SEMA3A: variants seen among roughly 807,000 people sequenced by gnomAD.
SEMA3A encodes the protein semaphorin-3A.
Under a neutral mutation model 97.9 loss-of-function variants are expected in SEMA3A, and 29 were observed. The ratio of observed to expected loss-of-function variants is 0.30; its 90% confidence interval spans 0.22 to 0.40. The LOEUF (loss-of-function observed/expected upper bound fraction) is 0.40. SEMA3A is among the 10% of genes least tolerant of loss of function. The pLI, the probability that SEMA3A is intolerant of heterozygous loss-of-function variation, is 1.00. For missense variants in SEMA3A, 763 were observed against 951.3 expected, an observed-to-expected ratio of 0.80 and a Z score of 2.60; for synonymous variants, 321 against 323.7, an observed-to-expected ratio of 0.99 and a Z score of 0.09.
intron 3 of SEMA3A, among the ~76,000 whole-genome samples, chr7:84,224,346 A>G (rs956931389): frequency 6.6e-6 from 1 of 151,990 alleles, no homozygotes; most frequent in Non-Finnish European, 1.5e-5. Context: ...GAAAAATTCA[A>G]ATATTACAGT....
At chr7:84,232,229 C>T (rs934423840) in intron 3 of SEMA3A, among the ~76,000 whole-genome samples, 23 of 147,988 alleles carry the variant, frequency 1.6e-4, no homozygotes, top group Middle Eastern at 3.3e-3. Context: ...TTTAATTCCA[C>T]AAATTATATA....
intron 1 of SEMA3A, among the ~76,000 whole-genome samples, chr7:84,160,144 T>C (rs1205702852): frequency 6.6e-6 from 1 of 152,168 alleles, no homozygotes; most frequent in Non-Finnish European, 1.5e-5. Context: ...TTTATCCTCA[T>C]TGACAGAATT....
intron 1 of SEMA3A, among the ~76,000 whole-genome samples, chr7:84,487,189 G>T (rs1448043555): frequency 2.0e-5 from 3 of 152,070 alleles, no homozygotes; most frequent in African/African-American, 4.8e-5. Flanking sequence ...GGCTAGAAAT[G>T]AAAAAATATT....
At chr7:84,013,874 C>A (rs1277234607) in intron 7 of SEMA3A, among the ~76,000 whole-genome samples, 1 of 152,040 alleles carries the variant, frequency 6.6e-6, no homozygotes. Flanking sequence ...TAAAAACTTA[C>A]AAGGTATAGA....
At chr7:84,083,330 G>A (rs1244294280) in intron 4 of SEMA3A, among the ~76,000 whole-genome samples, 1 of 151,640 alleles carries the variant, frequency 6.6e-6, no homozygotes, top group Non-Finnish European at 1.5e-5. Context: ...ATACATAATA[G>A]TTGTACACAT....
intron 1 of SEMA3A, among the ~76,000 whole-genome samples, chr7:84,373,064 G>T (rs2116108691): frequency 6.6e-6 from 1 of 152,250 alleles, no homozygotes; most frequent in East Asian, 1.9e-4. Flanking sequence ...GTACATACCT[G>T]GGCTAACCCA....
chr7:84,113,965 G>A (rs1389179176), intron 3 of SEMA3A, among the ~76,000 whole-genome samples: 2 of 151,928 alleles, frequency 1.3e-5, no homozygotes, highest in Non-Finnish European at 2.9e-5. Flanking sequence ...GATATTACCT[G>A]GAGAAATAAA....
chr7:84,416,510 A>G (rs1016818742), intron 1 of SEMA3A, among the ~76,000 whole-genome samples: 3 of 152,104 alleles, frequency 2.0e-5, no homozygotes, highest in African/African-American at 7.2e-5. Flanking sequence ...AAAACATACA[A>G]TGTCTTTTGG....
intron 4 of SEMA3A, among the ~76,000 whole-genome samples, chr7:84,091,353 GAAGAAAGGAAGA>G (rs1445231165): frequency 1.7e-5 from 2 of 118,244 alleles, no homozygotes; most frequent in Non-Finnish European, 4.1e-5. Flanking sequence ...GGGAAGGAAG[GAAGAAAGGAAGA>G]AAGGAAGGAA....
At chr7:84,034,565 G>A (rs1303056510) in intron 6 of SEMA3A, among the ~76,000 whole-genome samples, 1 of 152,076 alleles carries the variant, frequency 6.6e-6, no homozygotes, top group Non-Finnish European at 1.5e-5. Flanking sequence ...CATGCTCTCT[G>A]TTGTTCATGA....
At chr7:84,018,205 T>G (rs563118759) in intron 6 of SEMA3A, among the ~76,000 whole-genome samples, 1 of 152,242 alleles carries the variant, frequency 6.6e-6, no homozygotes, top group East Asian at 1.9e-4. Flanking sequence ...AACTCCCTCC[T>G]TTTCCTTCCT....
intron 1 of SEMA3A, among the ~76,000 whole-genome samples, chr7:84,430,937 C>T (rs1276323668): frequency 6.6e-6 from 1 of 151,822 alleles, no homozygotes; most frequent in Admixed American, 6.6e-5. Context: ...AGAGCACTTT[C>T]AGGTTGATAG....
intron 4 of SEMA3A, among the ~76,000 whole-genome samples, chr7:84,109,020 A>G (rs534378294): frequency 2.4e-4 from 37 of 152,214 alleles, no homozygotes; most frequent in African/African-American, 8.7e-4. Flanking sequence ...AAAAAGTGCA[A>G]TATCATGCGG....
intron 5 of SEMA3A, among the ~76,000 whole-genome samples, chr7:84,049,846 C>T (rs1442829502): frequency 3.5e-5 from 5 of 144,004 alleles, no homozygotes; most frequent in Admixed American, 2.8e-4. Context: ...GTATATCTCC[C>T]AATGCTATCC....
Position 84,005,207 on chromosome 7 carries a change from A to G in SEMA3A, c.1360+132T>C, listed in dbSNP as rs1244321932. 9 of 661,270 alleles carry G rather than the reference A, an allele frequency of 1.4e-5. No individual in the cohort carries two copies. In the Admixed American group the frequency reaches 1.8e-4, roughly 13 times the overall value. 41.0% of individuals were successfully genotyped at this position (661,270 alleles called of 1,614,324 possible). ...TAGTAGTTAAGTTTTGGGGAAATCA[A>G]AAGTTAGTTATATGTGGATTTTCAA... On this transcript the variant is annotated intron_variant, in intron 11 of 16. Coordinates refer to ENST00000265362, the MANE Select transcript of SEMA3A (RefSeq NM_006080.3).
chr7:84,392,556 C>T (rs1041240588), intron 1 of SEMA3A, among the ~76,000 whole-genome samples: 1 of 152,132 alleles, frequency 6.6e-6, no homozygotes, highest in Non-Finnish European at 1.5e-5. Flanking sequence ...ATTAGACATA[C>T]TGATTTTACA....
intron 2 of SEMA3A, among the ~76,000 whole-genome samples, chr7:84,337,070 A>G (rs1562908732): frequency 6.6e-6 from 1 of 152,114 alleles, no homozygotes; most frequent in Admixed American, 6.6e-5. Context: ...TGGACAAGTA[A>G]CTTAAACTCC....
chr7:84,473,336 T>C (rs1454722312), intron 1 of SEMA3A, among the ~76,000 whole-genome samples: 1 of 150,228 alleles, frequency 6.7e-6, no homozygotes. Context: ...TATTAAAATG[T>C]CATCTATAGA....
chr7:84,392,716 C>T (rs956743765), intron 1 of SEMA3A, among the ~76,000 whole-genome samples: 1 of 152,142 alleles, frequency 6.6e-6, no homozygotes, highest in Non-Finnish European at 1.5e-5. Context: ...TAACATTCAT[C>T]TTTTTAATAA....
Sources: gnomAD v4.1 joint callset for allele counts (sites outside exome capture counted in the v4.1 genomes callset) on GRCh38, gnomAD v4.1.1 for gene constraint, MANE v1.5 for transcripts, NCBI Gene and HGNC (gene_info 2026-07-23, HGNC 2026-07-21) for gene names.